IGLON5: variants seen among roughly 807,000 people sequenced by gnomAD.
The protein encoded by IGLON5 is Ig-like domain-containing protein ENSP00000270642.
IGLON5 carries 16 observed loss-of-function variants against 38.2 expected under a neutral mutation model. That is an observed-to-expected ratio of 0.42 (90% confidence interval 0.28 to 0.64). The LOEUF (loss-of-function observed/expected upper bound fraction) is 0.64. Ranked by LOEUF, IGLON5 falls within the 30% of genes least tolerant of loss-of-function variation. The pLI is 0.23. For synonymous variants in IGLON5, 207 were observed against 216.4 expected (o/e 0.96, Z 0.38); for missense variants, 366 against 483.4 (o/e 0.76, Z 2.28).
rs912505269 is a variant in IGLON5, at chr19:51,327,258, G to A, written c.767+58G>A. The A allele has an allele frequency of 1.3e-6, 2 of 1,566,018 alleles. No homozygotes were observed. The highest frequency in any genetic ancestry group is 1.3e-5 in the African/African-American group (1 of 74,204). On this transcript the variant is annotated intron_variant, in intron 6 of 7. Coordinates refer to ENST00000270642, the MANE Select transcript of IGLON5 (RefSeq NM_001101372.3). The surrounding 1 kb of genome is among the most constrained non-coding windows in gnomAD (Gnocchi z 7.1). ...GGAAGGGGAGGTCTTTAGTCCCTTC[G>A]ATTGTGAGGCAGGGGGACGGAGCGG...
At chr19:51,323,990 G>A (rs1599826906) in intron 3 of IGLON5, 96 bp downstream of exon 3, 6 of 810,318 alleles carry the variant, frequency 7.4e-6, no homozygotes, top group Non-Finnish European at 9.7e-6. Flanking sequence ...CAACCCCAGG[G>A]ATACATAGCG....
chr19:51,313,602 C>CTTCT (rs1293626195), intron 1 of IGLON5, among the ~76,000 whole-genome samples: 5 of 147,362 alleles, frequency 3.4e-5, no homozygotes, highest in Admixed American at 6.8e-5. Flanking sequence ...TTTCTCTTTC[C>CTTCT]TTCTTTCTTT....
intron 7 of IGLON5, among the ~76,000 whole-genome samples, chr19:51,328,374 T>C (rs1244141654): frequency 7.2e-6 from 1 of 139,308 alleles, no homozygotes; most frequent in Non-Finnish European, 1.5e-5. Flanking sequence ...TAGCCAGGCG[T>C]AGTGATGGGC....
In IGLON5 at chr19:51,328,709, G is replaced by T. The variant is rs184327297; in HGVS notation, c.961G>T (p.Gly321Trp). Residue 321 changes from glycine to tryptophan, a missense_variant, in exon 8 of 8, where the codon GGG becomes TGG. Gly to Trp is a radical substitution (Grantham distance 184). Coordinates refer to ENST00000270642, the MANE Select transcript of IGLON5 (RefSeq NM_001101372.3). Reference protein sequence around the residue: ...SLENSAPRPPGLLALLSALGW... With the variant: ...SLENSAPRPPWLLALLSALGW... ...GGAGAACTCAGCCCCGAGGCCCCCA[G>T]GGCTCCTGGCCCTCCTCTCCGCCCT... The T allele has an allele frequency of 6.9e-6, 11 of 1,599,320 alleles. No individual in the cohort carries two copies. The highest frequency in any genetic ancestry group is 6.8e-6 in the Non-Finnish European group (8 of 1,173,044).
At chr19:51,320,695 TTG>T (rs1181482190) in intron 1 of IGLON5, among the ~76,000 whole-genome samples, 4 of 152,110 alleles carry the variant, frequency 2.6e-5, no homozygotes, top group Non-Finnish European at 5.9e-5. Flanking sequence ...GAGGGTGTAT[TTG>T]TGCATCTGTG....
intron 4 of IGLON5, 30 bp from the exon 5 acceptor site, chr19:51,326,734 C>A: frequency 6.6e-7 from 1 of 1,526,630 alleles, no homozygotes; most frequent in Admixed American, 2.1e-5. Context: ...TGTGTCCGGC[C>A]CCGCCCCCTC....
At chr19:51,319,358 G>C (rs1985000530) in intron 1 of IGLON5, among the ~76,000 whole-genome samples, 1 of 151,450 alleles carries the variant, frequency 6.6e-6, no homozygotes, top group Admixed American at 6.6e-5. Flanking sequence ...GATCACAGGA[G>C]ACAACATGAC....
intron 1 of IGLON5, among the ~76,000 whole-genome samples, chr19:51,320,478 C>T (rs183938128): frequency 9.8e-5 from 15 of 152,330 alleles, no homozygotes; most frequent in East Asian, 9.7e-4. Context: ...CCACCGCCTC[C>T]GCATGCCCAG....
At chr19:51,326,656 A>G (rs1398673956) in intron 4 of IGLON5, 108 bp from the exon 5 acceptor site, 1 of 210,808 alleles carries the variant, frequency 4.7e-6, no homozygotes, top group Non-Finnish European at 8.0e-6. Context: ...CGGGCACTCC[A>G]GGCCTTGCCG....
rs1985186029 is a variant in IGLON5 at position 51,325,299 on chromosome 19, G to A, written c.392-47G>A. On this transcript the variant is annotated intron_variant, in intron 3 of 7. Coordinates refer to ENST00000270642, the MANE Select transcript of IGLON5 (RefSeq NM_001101372.3). The surrounding 1 kb of genome is among the most constrained non-coding windows in gnomAD (Gnocchi z 5.5). The stretch of plus-strand genomic sequence containing the variant: ...GGGTCTGAAGGAGGAAGGGCTGGGG[G>A]CCTGGATTCCTGGGCATCCATATTC... 6.3e-7 allele frequency: 1 copy of A among 1,595,296 alleles called. No individual in the cohort carries two copies. Among genetic ancestry groups the A allele is most frequent in the Middle Eastern group, 1.7e-4 (1 of 5,768 alleles).
rs998498463 is a variant in IGLON5, at chr19:51,325,166, G to C, written c.392-180G>C. Among the ~76,000 whole-genome samples the C allele has an allele frequency of 4.6e-5, 7 of 151,534 alleles. No homozygotes were observed. The highest frequency in any genetic ancestry group is 1.7e-4 in the African/African-American group (7 of 41,206). On this transcript the variant is annotated intron_variant, in intron 3 of 7. Transcript: ENST00000270642. This position sits in a 1 kb window ranked among gnomAD's most constrained non-coding sequence, Gnocchi z 5.5. ...GCTGGGGTACTGGACTCTTGGGTCT[G>C]AGGGAAGAGGAACTGCGGGTCTGAA...
At chr19:51,321,626 A>G in intron 1 of IGLON5, among the ~76,000 whole-genome samples, 1 of 152,144 alleles carries the variant, frequency 6.6e-6, no homozygotes, top group Non-Finnish European at 1.5e-5. Context: ...GTCTGCATGT[A>G]TATGTTTGTA....
intron 1 of IGLON5, among the ~76,000 whole-genome samples, chr19:51,313,639 C>CTTTTT (rs775668430): frequency 0.015 from 1,868 of 121,940 alleles, 130 homozygotes; most frequent in African/African-American, 0.073. Context: ...TTTTCTCTCT[C>CTTTTT]TCTCTCTTTT....
rs747147617 is a variant in IGLON5 at position 51,327,874 on chromosome 19, A to C, written c.910A>C (p.Met304Leu). ...ANRLGASSASMRLLRPGSLEN... is the reference protein window; with the variant it reads ...ANRLGASSASLRLLRPGSLEN... ...CCGACTGGGAGCGTCCAGCGCCTCC[A>C]TGCGGCTCCTGCGTGCGTCTTCGGG... The change falls in exon 7 of 8, where the codon ATG (methionine) becomes CTG (leucine). Residue 304 changes from methionine to leucine, a missense_variant. Physicochemically the swap from Met to Leu is conservative, Grantham distance 15. Coordinates refer to ENST00000270642, the MANE Select transcript of IGLON5 (RefSeq NM_001101372.3). This position sits in a 1 kb window ranked among gnomAD's most constrained non-coding sequence, Gnocchi z 7.1. 5.7e-6 allele frequency: 8 copies of C among 1,393,064 alleles called. No homozygotes were observed. In the East Asian group the frequency reaches 1.4e-4, roughly 24 times the overall value. The allele number at this position is 1,393,064 out of a possible 1,614,324, so 86.3% of individuals were successfully genotyped here.
At chr19:51,315,953 C>G (rs1431847009) in intron 1 of IGLON5, among the ~76,000 whole-genome samples, 1 of 152,002 alleles carries the variant, frequency 6.6e-6, no homozygotes, top group African/African-American at 2.4e-5. Context: ...CTTGGCCTCC[C>G]AAAGTGCTGG....
chr19:51,314,323 A>G (rs915162611), intron 1 of IGLON5, among the ~76,000 whole-genome samples: 3 of 151,920 alleles, frequency 2.0e-5, no homozygotes, highest in African/African-American at 7.3e-5. Flanking sequence ...AGCTGGGACT[A>G]CAGGTGTGTG....
At chr19:51,326,532 C>G (rs1359681092) in intron 4 of IGLON5, among the ~76,000 whole-genome samples, 1 of 152,132 alleles carries the variant, frequency 6.6e-6, no homozygotes, top group Non-Finnish European at 1.5e-5. Flanking sequence ...CTCTAACCCA[C>G]CCCACTGGGT....
In IGLON5 at chr19:51,327,895, T is replaced by A. The variant is rs1330838352; in HGVS notation, c.922+9T>A. ...CTCCATGCGGCTCCTGCGTGCGTCT[T>A]CGGGCGGGGCGGGGCCGGGAAGGTG... On this transcript the variant is annotated intron_variant, in intron 7 of 7. Transcript: ENST00000270642. This position sits in a 1 kb window ranked among gnomAD's most constrained non-coding sequence, Gnocchi z 7.1. 1 of 1,302,066 alleles carries A rather than the reference T, an allele frequency of 7.7e-7. No homozygotes were observed. The highest frequency in any genetic ancestry group is 1.0e-6 in the Non-Finnish European group (1 of 994,312). The allele number at this position is 1,302,066 out of a possible 1,614,324, so 80.7% of individuals were successfully genotyped here.
intron 4 of IGLON5, among the ~76,000 whole-genome samples, chr19:51,326,410 T>C (rs1347857770): frequency 6.6e-6 from 1 of 152,198 alleles, no homozygotes. Context: ...CTGTATTTGC[T>C]AGATCCTTCT....
Sources: allele counts gnomAD v4.1 joint callset (sites outside exome capture counted in the v4.1 genomes callset), GRCh38; gene constraint gnomAD v4.1.1; non-coding constraint Gnocchi (gnomAD v3.1); transcripts MANE v1.5; gene names NCBI Gene and HGNC (gene_info 2026-07-23, HGNC 2026-07-21).